CACNA2D3: variants seen among roughly 807,000 people sequenced by gnomAD.
The protein encoded by CACNA2D3 is voltage-dependent calcium channel subunit alpha-2/delta-3.
Under a neutral mutation model 160.6 loss-of-function variants are expected in CACNA2D3, and 60 were observed. The observed-to-expected ratio is 0.37, with a 90% CI of 0.30 to 0.46. The LOEUF is 0.46. CACNA2D3 is among the 20% of genes least tolerant of loss of function. The probability of loss-of-function intolerance (pLI) is 1.00; values close to 1 mark genes in which losing one functional copy is unlikely to be tolerated. For synonymous variants in CACNA2D3, 558 were observed against 492.9 expected, an observed-to-expected ratio of 1.13 and a Z score of -1.75; for missense variants, 1,205 against 1,365.0, an observed-to-expected ratio of 0.88 and a Z score of 1.85.
intron 11 of CACNA2D3, among the ~76,000 whole-genome samples, chr3:54,661,830 T>C (rs1699976030): frequency 6.7e-6 from 1 of 148,616 alleles, no homozygotes; most frequent in African/African-American, 2.5e-5. Context: ...CACACAGACA[T>C]CTCAGGGATG....
intron 4 of CACNA2D3, among the ~76,000 whole-genome samples, chr3:54,393,887 T>G (rs9870407): frequency 0.22 from 34,080 of 152,156 alleles, 3,914 homozygotes; most frequent in Admixed American, 0.3. Context: ...ACCCGTCTTC[T>G]TGGGGAGTGG....
chr3:54,618,581 T>C (rs622153), intron 9 of CACNA2D3, among the ~76,000 whole-genome samples: 143,082 of 152,160 alleles, frequency 0.94, 67,366 homozygotes, highest in Non-Finnish European at 0.96. Flanking sequence ...CTTCCAAGTG[T>C]TCATACAGAA....
intron 3 of CACNA2D3, among the ~76,000 whole-genome samples, chr3:54,361,424 C>A (rs1698741352): frequency 6.6e-6 from 1 of 152,070 alleles, no homozygotes; most frequent in African/African-American, 2.4e-5. Context: ...GAATTTTAGG[C>A]CCAGTTCAGC....
At chr3:54,228,590 C>T (rs182422108) in intron 2 of CACNA2D3, among the ~76,000 whole-genome samples, 103 of 152,354 alleles carry the variant, frequency 6.8e-4, no homozygotes, top group African/African-American at 2.4e-3. Context: ...TTATTTCACA[C>T]ATGAAATTCA....
chr3:54,409,070 A>G (rs1293381259), intron 4 of CACNA2D3, among the ~76,000 whole-genome samples: 1 of 152,156 alleles, frequency 6.6e-6, no homozygotes, highest in African/African-American at 2.4e-5. Context: ...GATATGCTTC[A>G]TTTTATTGTG....
intron 9 of CACNA2D3, among the ~76,000 whole-genome samples, chr3:54,585,260 A>G (rs918185474): frequency 6.6e-6 from 1 of 152,240 alleles, no homozygotes; most frequent in Non-Finnish European, 1.5e-5. Flanking sequence ...AAAGGGACCT[A>G]AATAGAAGGT....
chr3:55,023,079 G>C (rs926603888), intron 35 of CACNA2D3, among the ~76,000 whole-genome samples: 1 of 151,942 alleles, frequency 6.6e-6, no homozygotes, highest in Non-Finnish European at 1.5e-5. Flanking sequence ...CTCATTCTTT[G>C]TCTAAAATCC....
intron 3 of CACNA2D3, among the ~76,000 whole-genome samples, chr3:54,380,388 G>A (rs990284217): frequency 6.6e-6 from 1 of 152,176 alleles, no homozygotes; most frequent in African/African-American, 2.4e-5. Context: ...TGCTAGGATC[G>A]CATTAGTCCC....
chr3:54,298,163 G>C lies in CACNA2D3; in HGVS notation c.205-22279G>C, dbSNP rs190481532. On this transcript the variant is annotated intron_variant, in intron 2 of 37. Transcript: ENST00000474759. ...TTACAGGCAGTGGCCCTTGATCTGG[G>C]TATTGATGGATGAGTGGGAGTTGGC... 5.4e-4 allele frequency among the ~76,000 whole-genome samples: 82 copies of C among 152,348 alleles called. 1 individual carries two copies. The highest frequency in any genetic ancestry group is 1.9e-3 in the African/African-American group (80 of 41,586).
chr3:54,343,931 T>A (rs926867527), intron 3 of CACNA2D3, among the ~76,000 whole-genome samples: 1 of 152,232 alleles, frequency 6.6e-6, no homozygotes. Context: ...ATGTCCATAA[T>A]CGTGATATTT....
intron 35 of CACNA2D3, among the ~76,000 whole-genome samples, chr3:55,053,921 A>G (rs1309034737): frequency 6.6e-6 from 1 of 151,896 alleles, no homozygotes; most frequent in Non-Finnish European, 1.5e-5. Context: ...AGTTACTGAT[A>G]TTATTGGCTT....
At chr3:54,620,278 C>G (rs964288283) in intron 9 of CACNA2D3, among the ~76,000 whole-genome samples, 3 of 152,166 alleles carry the variant, frequency 2.0e-5, no homozygotes, top group Non-Finnish European at 4.4e-5. Context: ...GAAAGAGGCT[C>G]TACAGAACAC....
Position 54,144,018 on chromosome 3 carries a change from A to G in CACNA2D3, c.204+20424A>G, listed in dbSNP as rs77455327. Among the ~76,000 whole-genome samples the G allele has an allele frequency of 4.3e-4, 65 of 152,324 alleles. 4 individuals are homozygous for G. The East Asian group carries it at 0.012, about 28-fold the overall frequency. ...GATAAAATTTATCCTCTTCTTTGAA[A>G]AATTGGAATGTACCAGATGATACAA... On this transcript the variant is annotated intron_variant, in intron 2 of 37. Transcript: ENST00000474759.
At chr3:54,463,623 C>T (rs1182075701) in intron 4 of CACNA2D3, among the ~76,000 whole-genome samples, 1 of 152,236 alleles carries the variant, frequency 6.6e-6, no homozygotes, top group Non-Finnish European at 1.5e-5. Context: ...TCAGCTCCAT[C>T]AGCTCCTTTA....
At chr3:54,762,042 A>G (rs1224671516) in intron 12 of CACNA2D3, among the ~76,000 whole-genome samples, 2 of 152,190 alleles carry the variant, frequency 1.3e-5, no homozygotes, top group Non-Finnish European at 2.9e-5. Flanking sequence ...TTTGGCGAGT[A>G]GGAGGTGGTA....
At chr3:54,349,968 T>C (rs140432554) in intron 3 of CACNA2D3, among the ~76,000 whole-genome samples, 4 of 152,230 alleles carry the variant, frequency 2.6e-5, no homozygotes, top group African/African-American at 7.2e-5. Context: ...GTTCAGACTT[T>C]GGTCATGCAT....
intron 29 of CACNA2D3, among the ~76,000 whole-genome samples, chr3:54,982,818 T>C (rs1055777293): frequency 6.6e-6 from 1 of 152,220 alleles, no homozygotes; most frequent in Middle Eastern, 3.4e-3. Flanking sequence ...ATTTCTATAC[T>C]GTCATGGCAT....
intron 5 of CACNA2D3, among the ~76,000 whole-genome samples, chr3:54,561,940 AAG>A (rs1197756801): frequency 1.3e-5 from 2 of 152,226 alleles, no homozygotes; most frequent in Non-Finnish European, 2.9e-5. Context: ...GGTAACATGC[AAG>A]AGAGCATATG....
rs112328308 is a variant in CACNA2D3 at position 54,821,298 on chromosome 3, T to C, written c.1398+4428T>C. 3.3e-5 allele frequency among the ~76,000 whole-genome samples: 5 copies of C among 152,340 alleles called. 1 individual carries two copies. Among genetic ancestry groups the C allele is most frequent in the African/African-American group, 1.2e-4 (5 of 41,588 alleles). ...TTGATGCATTCAGGGCTGCGCAGTA[T>C]GGCAAAATGATCCCTGTTTAATAGC... On this transcript the variant is annotated intron_variant, in intron 14 of 37. Coordinates refer to ENST00000474759, the MANE Select transcript of CACNA2D3 (RefSeq NM_018398.3).
Sources: allele counts gnomAD v4.1 joint callset (sites outside exome capture counted in the v4.1 genomes callset), GRCh38; gene constraint gnomAD v4.1.1; transcripts MANE v1.5; gene names NCBI Gene and HGNC (gene_info 2026-07-23, HGNC 2026-07-21).